Variants in CSMD1 observed in about 807,000 individuals in gnomAD.
The protein encoded by CSMD1 is CUB and sushi domain-containing protein 1.
A neutral mutation model predicts 417.5 loss-of-function variants in CSMD1; 213 were observed. That is an observed-to-expected ratio of 0.51 (90% CI 0.46 to 0.57). CSMD1 has a LOEUF of 0.57. Among genes scored for constraint, CSMD1 ranks in the 20% least tolerant of loss-of-function variants. The pLI, the probability that CSMD1 is intolerant of heterozygous loss-of-function variation, is 0.00. For missense variants in CSMD1, 6,923 were observed against 4,529.7 expected, an observed-to-expected ratio of 1.53 and a Z score of -15.17; for synonymous variants, 2,862 against 1,736.8, an observed-to-expected ratio of 1.65 and a Z score of -16.11.
chr8:4,028,918 T>A (rs554642823), intron 4 of CSMD1, among the ~76,000 whole-genome samples: 1 of 152,322 alleles, frequency 6.6e-6, no homozygotes, highest in East Asian at 1.9e-4. Context: ...TTTTCTAAAG[T>A]CATTGGAACA....
At chr8:4,543,617 T>C (rs1797498355) in intron 2 of CSMD1, among the ~76,000 whole-genome samples, 1 of 146,344 alleles carries the variant, frequency 6.8e-6, no homozygotes, top group Non-Finnish European at 1.5e-5. Flanking sequence ...TTTCAATTCA[T>C]TTCAGTAGAT....
intron 3 of CSMD1, among the ~76,000 whole-genome samples, chr8:4,333,205 T>C (rs1341508666): frequency 6.6e-6 from 1 of 152,156 alleles, no homozygotes; most frequent in Non-Finnish European, 1.5e-5. Flanking sequence ...CTCACAGTTC[T>C]GAACAAAACA....
chr8:4,913,186 G>T (rs1372428419), intron 1 of CSMD1, among the ~76,000 whole-genome samples: 1 of 152,164 alleles, frequency 6.6e-6, no homozygotes, highest in Non-Finnish European at 1.5e-5. Context: ...GCAAAGATTA[G>T]GTTGGTGCAA....
At chr8:3,851,962 T>C (rs1272101780) in intron 5 of CSMD1, among the ~76,000 whole-genome samples, 2 of 151,854 alleles carry the variant, frequency 1.3e-5, no homozygotes, top group African/African-American at 4.8e-5. Flanking sequence ...AGATAGCAGG[T>C]TAGAGAGAAT....
chr8:3,159,583 A>G (rs1819752141), intron 38 of CSMD1, among the ~76,000 whole-genome samples: 1 of 152,220 alleles, frequency 6.6e-6, no homozygotes. Context: ...CAAATATATT[A>G]AAGTGTTAGT....
rs539597000 is a variant in CSMD1 at position 4,384,462 on chromosome 8, GC to G, written c.415+35490del. Among the ~76,000 whole-genome samples, 49 of 152,204 alleles carry G rather than the reference GC, an allele frequency of 3.2e-4. 1 individual carries two copies. Among genetic ancestry groups the G allele is most frequent in the South Asian group, 1.7e-3 (8 of 4,814 alleles). ...ACACTTGCTGGTTTTTTCAAATAAA[GC>G]TTCTTCTATCTACTATCTATGAATT... is the stretch of plus-strand genomic sequence containing the variant. On this transcript the variant is annotated intron_variant, in intron 3 of 69. Transcript: ENST00000635120.
chr8:3,025,977 C>T (rs1432289212), intron 51 of CSMD1, among the ~76,000 whole-genome samples: 1 of 152,068 alleles, frequency 6.6e-6, no homozygotes, highest in Non-Finnish European at 1.5e-5. Flanking sequence ...AGGCAGAATT[C>T]GAAGGTGGTC....
chr8:4,631,306 G>A (rs183999571), intron 2 of CSMD1, among the ~76,000 whole-genome samples: 1 of 152,080 alleles, frequency 6.6e-6, no homozygotes, highest in African/African-American at 2.4e-5. Context: ...AGGTTGCAGT[G>A]AGCTGAGATC....
chr8:3,548,522 T>C (rs1798771696), intron 10 of CSMD1, among the ~76,000 whole-genome samples: 1 of 151,884 alleles, frequency 6.6e-6, no homozygotes, highest in African/African-American at 2.4e-5. Flanking sequence ...GCTTAGCTCC[T>C]GCTTGGAATG....
At chr8:4,030,705 G>A (rs1168542529) in intron 4 of CSMD1, among the ~76,000 whole-genome samples, 1 of 152,114 alleles carries the variant, frequency 6.6e-6, no homozygotes, top group African/African-American at 2.4e-5. Flanking sequence ...TTCTGCAGTT[G>A]GCTTGATTTT....
Position 4,443,649 on chromosome 8 carries a change from G to A in CSMD1, c.303-23584C>T, listed in dbSNP as rs73660821. Among the ~76,000 whole-genome samples the A allele has an allele frequency of 4.7e-3, 723 of 152,268 alleles. 6 individuals carry two copies. The highest frequency in any genetic ancestry group is 0.016 in the African/African-American group (678 of 41,564). ...GTACTGGAACAGCCATGCCGTTGAC[G>A]TGCAGTTAAAGAAATAGCATTTATA... On this transcript the variant is annotated intron_variant, in intron 2 of 69. Transcript: ENST00000635120.
At chr8:4,894,719 T>TGTGC (rs1804365048) in intron 1 of CSMD1, among the ~76,000 whole-genome samples, 1 of 151,846 alleles carries the variant, frequency 6.6e-6, no homozygotes, top group African/African-American at 2.4e-5. Context: ...TGTGTGTGTG[T>TGTGC]GTGTCTGAGG....
intron 3 of CSMD1, among the ~76,000 whole-genome samples, chr8:4,048,715 A>G (rs957292553): frequency 1.3e-5 from 2 of 152,232 alleles, no homozygotes; most frequent in African/African-American, 2.4e-5. Flanking sequence ...GGGTGCATTT[A>G]TTAATACATA....
At chr8:3,050,561 G>A (rs964411439) in intron 50 of CSMD1, among the ~76,000 whole-genome samples, 27 of 152,080 alleles carry the variant, frequency 1.8e-4, no homozygotes, top group Middle Eastern at 3.4e-3. Context: ...TTCTGTTTAG[G>A]ACTGAACTCA....
intron 5 of CSMD1, among the ~76,000 whole-genome samples, chr8:3,784,155 A>T (rs1799324046): frequency 6.6e-6 from 1 of 152,196 alleles, no homozygotes; most frequent in African/African-American, 2.4e-5. Context: ...TCTCTCATGC[A>T]TACATATAGT....
chr8:4,537,875 T>C (rs957777197), intron 2 of CSMD1, among the ~76,000 whole-genome samples: 1 of 152,174 alleles, frequency 6.6e-6, no homozygotes, highest in Non-Finnish European at 1.5e-5. Context: ...CACATAGGAT[T>C]TAGAATGCTT....
In CSMD1 at chr8:4,145,408, G is replaced by A. The variant is rs1001870134; in HGVS notation, c.416-113309C>T. 6.0e-5 allele frequency among the ~76,000 whole-genome samples: 9 copies of A among 151,158 alleles called. 2 individuals are homozygous for A. The highest frequency in any genetic ancestry group is 2.2e-4 in the African/African-American group (9 of 40,498). On this transcript the variant is annotated intron_variant, in intron 3 of 69. Transcript: ENST00000635120. ...ACTATAGTCTTCTTTGGGCAATTGTGACTTAATCTGGGAAAAGTGACTTAA... is the reference window on the plus strand; with the variant it reads ...ACTATAGTCTTCTTTGGGCAATTGTAACTTAATCTGGGAAAAGTGACTTAA...
At chr8:2,986,594 T>A (rs1805930763) in intron 54 of CSMD1, among the ~76,000 whole-genome samples, 1 of 152,044 alleles carries the variant, frequency 6.6e-6, no homozygotes, top group Admixed American at 6.6e-5. Flanking sequence ...AAGCTACACC[T>A]CCCGGGTTCA....
intron 1 of CSMD1, among the ~76,000 whole-genome samples, chr8:4,962,104 T>A (rs1275251576): frequency 2.7e-5 from 2 of 73,532 alleles, no homozygotes; most frequent in African/African-American, 1.1e-4. Context: ...TAAGTATGTA[T>A]TTTTTTGTTG....
Sources: gnomAD v4.1 joint callset for allele counts (sites outside exome capture counted in the v4.1 genomes callset) on GRCh38, gnomAD v4.1.1 for gene constraint, MANE v1.5 for transcripts, NCBI Gene and HGNC (gene_info 2026-07-23, HGNC 2026-07-21) for gene names.